The following SPECC1L variants were observed in gnomAD, a reference collection of about 807,000 sequenced individuals.
SPECC1L encodes the protein cytospin-A.
Under a neutral mutation model 116.8 loss-of-function variants are expected in SPECC1L, and 40 were observed. The ratio of observed to expected loss-of-function variants is 0.34; its 90% CI spans 0.27 to 0.45. The LOEUF (loss-of-function observed/expected upper bound fraction) is 0.45, where lower values mean the gene tolerates loss of function less well. Among genes scored for constraint, SPECC1L ranks in the 20% least tolerant of loss-of-function variants. The pLI is 1.00. For missense variants in SPECC1L, 1,110 were observed against 1,373.6 expected (o/e 0.81, Z 3.03); for synonymous variants, 504 against 500.6 (o/e 1.01, Z -0.09).
At position 24,273,000 on chromosome 22, in the gene SPECC1L, C is replaced by T. The variant is rs370869172; in HGVS notation, c.-142+2017C>T. ...TTTATCACAGGTGCACGTTGGTAGCCAACTAAATAACGTGAGTGTCAAGTA... is the reference window on the plus strand; with the variant it reads ...TTTATCACAGGTGCACGTTGGTAGCTAACTAAATAACGTGAGTGTCAAGTA... On this transcript the variant is annotated intron_variant, in intron 1 of 16. Transcript: ENST00000314328. 6.2e-4 allele frequency among the ~76,000 whole-genome samples: 94 copies of T among 152,076 alleles called. 1 individual carries two copies. In the South Asian group the frequency reaches 0.016, roughly 27 times the overall value.
chr22:24,316,073 G>A (rs946293923), intron 4 of SPECC1L, among the ~76,000 whole-genome samples: 4 of 152,062 alleles, frequency 2.6e-5, no homozygotes, highest in Non-Finnish European at 4.4e-5. Flanking sequence ...TGTTTTGTGC[G>A]GGCACAGTTC....
intron 15 of SPECC1L, 123 bp downstream of exon 15, chr22:24,411,827 T>C: frequency 3.8e-6 from 3 of 787,900 alleles, no homozygotes; most frequent in Non-Finnish European, 6.7e-6. Context: ...CCTCGTGCCA[T>C]CTGGGTCTTC....
rs1288077282 is a variant in SPECC1L at position 24,416,667 on chromosome 22, C to G, written c.*2044C>G. The G allele has an allele frequency of 6.6e-6, 1 of 152,290 alleles. No homozygotes were observed. Among genetic ancestry groups the G allele is most frequent in the Non-Finnish European group, 1.5e-5 (1 of 68,072 alleles). 9.4% of individuals were successfully genotyped at this position (152,290 alleles called of 1,614,324 possible). ...TAAGAATGAGGGGGCTTCCCCTGGT[C>G]TGCAGTTCCCAACTTTATCCCTTGC... On this transcript the variant is annotated 3_prime_UTR_variant, in exon 17 of 17. Coordinates refer to ENST00000314328, the MANE Select transcript of SPECC1L (RefSeq NM_015330.6).
At chr22:24,324,773 C>T (rs2040785505) in intron 6 of SPECC1L, among the ~76,000 whole-genome samples, 1 of 152,188 alleles carries the variant, frequency 6.6e-6, no homozygotes, top group Admixed American at 6.5e-5. Context: ...ATCGCTTGAA[C>T]CCAGGAGACG....
At chr22:24,383,525 TTAGA>T (rs778973922) in intron 14 of SPECC1L, among the ~76,000 whole-genome samples, 2 of 152,150 alleles carry the variant, frequency 1.3e-5, no homozygotes, top group Non-Finnish European at 2.9e-5. Context: ...ATTGGAACCC[TTAGA>T]TAGGCTTTTA....
chr22:24,372,164 C>G (rs932867400), intron 14 of SPECC1L, among the ~76,000 whole-genome samples: 1 of 152,070 alleles, frequency 6.6e-6, no homozygotes, highest in African/African-American at 2.4e-5. Flanking sequence ...AAAAAAAGTC[C>G]AAGACCAGAT....
chr22:24,277,863 T>G (rs916047514), intron 2 of SPECC1L, among the ~76,000 whole-genome samples: 1 of 152,246 alleles, frequency 6.6e-6, no homozygotes, highest in Admixed American at 6.5e-5. Flanking sequence ...TCTACAAATT[T>G]TTGTGTGGAC....
chr22:24,338,971 G>A (rs940128500), intron 10 of SPECC1L, among the ~76,000 whole-genome samples: 2 of 152,356 alleles, frequency 1.3e-5, no homozygotes, highest in African/African-American at 4.8e-5. Flanking sequence ...TGGTTGCCAT[G>A]TCTCAGCCTT....
Position 24,330,556 on chromosome 22 carries a change from G to GT in SPECC1L, c.2396+127dup, listed in dbSNP as rs1223571258. 3 of 1,036,654 alleles carry GT rather than the reference G, an allele frequency of 2.9e-6. No individual in the cohort carries two copies. The African/African-American group carries it at 4.8e-5, about 17-fold the overall frequency. 64.2% of individuals were successfully genotyped at this position (1,036,654 alleles called of 1,614,324 possible). ...CTTACTGAGTTTGGATCTGATGGAAGTTACTCAGCTTTTCTGGGCCTCATT... is the reference window on the plus strand; with the variant it reads ...CTTACTGAGTTTGGATCTGATGGAAGTTTACTCAGCTTTTCTGGGCCTCATT... On this transcript the variant is annotated intron_variant, in intron 8 of 16. Coordinates refer to ENST00000314328, the MANE Select transcript of SPECC1L (RefSeq NM_015330.6).
intron 16 of SPECC1L, 101 bp downstream of exon 16, chr22:24,412,808 G>T: frequency 7.5e-7 from 1 of 1,334,054 alleles, no homozygotes; most frequent in Non-Finnish European, 1.1e-6. Context: ...GGGTAGTGTG[G>T]CTGCCTGGTA....
chr22:24,412,270 A>C, intron 15 of SPECC1L: 13 of 358,520 alleles, frequency 3.6e-5, no homozygotes, highest in East Asian at 2.8e-4. Flanking sequence ...TGCTTCCCCC[A>C]TGTCAGCCCC....
chr22:24,291,276 C>T (rs1281041656), intron 2 of SPECC1L, among the ~76,000 whole-genome samples: 1 of 152,184 alleles, frequency 6.6e-6, no homozygotes, highest in Non-Finnish European at 1.5e-5. Context: ...AATTTTCGAA[C>T]TTCTGAAAGC....
chr22:24,386,852 C>T (rs2042169678), intron 14 of SPECC1L, among the ~76,000 whole-genome samples: 3 of 152,178 alleles, frequency 2.0e-5, no homozygotes, highest in Admixed American at 1.3e-4. Context: ...GATCAGCCCA[C>T]CTCGGCCTCC....
In SPECC1L at chr22:24,369,339, T is replaced by C. The variant is rs143466762; in HGVS notation, c.3087+19T>C. 6.3e-7 allele frequency: 1 copy of C among 1,585,116 alleles called. No homozygotes were observed. The highest frequency in any genetic ancestry group is 8.7e-7 in the Non-Finnish European group (1 of 1,153,584). ...CTATCAGGTAATCATATGATTCTTTTGTCCCATGTGAGTAATTGGCAAACC... is the reference window on the plus strand; with the variant it reads ...CTATCAGGTAATCATATGATTCTTTCGTCCCATGTGAGTAATTGGCAAACC... On this transcript the variant is annotated intron_variant, in intron 14 of 16. Coordinates refer to ENST00000314328, the MANE Select transcript of SPECC1L (RefSeq NM_015330.6).
In SPECC1L at chr22:24,288,615, C is replaced by CTTTTTTTTTTTTT. The variant is rs756714389; in HGVS notation, c.-38+11829_-38+11841dup. Among the ~76,000 whole-genome samples the CTTTTTTTTTTTTT allele has an allele frequency of 2.8e-4, 17 of 61,678 alleles. 1 individual carries two copies. The highest frequency in any genetic ancestry group is 1.9e-3 in the East Asian group (3 of 1,586). 40.5% of individuals were successfully genotyped at this position (61,678 alleles called of 152,430 possible). On this transcript the variant is annotated intron_variant, in intron 2 of 16. Transcript: ENST00000314328. ...GACTTCTCAAATCCAAAATTTTAAG[C>CTTTTTTTTTTTTT]TTTTTTTTTTTTTTTTTTTTTTTTT...
intron 11 of SPECC1L, among the ~76,000 whole-genome samples, chr22:24,361,055 G>A (rs1052803873): frequency 6.6e-6 from 1 of 152,066 alleles, no homozygotes; most frequent in African/African-American, 2.4e-5. Flanking sequence ...ACTCCCCTAG[G>A]CCTCCAAAGT....
chr22:24,376,240 G>C (rs571602123), intron 14 of SPECC1L, among the ~76,000 whole-genome samples: 88 of 152,262 alleles, frequency 5.8e-4, no homozygotes, highest in African/African-American at 2.1e-3. Flanking sequence ...GCCCAGTCTA[G>C]GTTCAGACTT....
intron 8 of SPECC1L, among the ~76,000 whole-genome samples, chr22:24,331,155 C>A (rs1278025770): frequency 6.6e-6 from 1 of 152,170 alleles, no homozygotes; most frequent in Non-Finnish European, 1.5e-5. Flanking sequence ...GAGCTCCACA[C>A]TGAGACTCCA....
Position 24,341,446 on chromosome 22 carries a change from T to C in SPECC1L, c.2652+2969T>C, listed in dbSNP as rs558941856. ...GAGACACCTCTTTGAATAGATGGCA[T>C]TCATTATAGACTCCTAAAGGACCAC... is the stretch of plus-strand genomic sequence containing the variant. On this transcript the variant is annotated intron_variant, in intron 10 of 16. Transcript: ENST00000314328. Among the ~76,000 whole-genome samples the C allele has an allele frequency of 2.0e-5, 3 of 152,320 alleles. No homozygotes were observed. The South Asian group carries it at 6.2e-4, about 32-fold the overall frequency.
Sources: allele counts gnomAD v4.1 joint callset (sites outside exome capture counted in the v4.1 genomes callset), GRCh38; gene constraint gnomAD v4.1.1; transcripts MANE v1.5; gene names NCBI Gene and HGNC (gene_info 2026-07-23, HGNC 2026-07-21).